Variants in SEMA3C observed in about 807,000 individuals in gnomAD.
SEMA3C encodes semaphorin 3C.
SEMA3C carries 47 observed loss-of-function variants against 89.4 expected under a neutral mutation model. That is an observed-to-expected ratio of 0.53 (90% confidence interval 0.42 to 0.67). The LOEUF is 0.67. Among genes scored for constraint, SEMA3C ranks in the 30% least tolerant of loss-of-function variants. SEMA3C has a pLI of 0.00. For synonymous variants in SEMA3C, 310 were observed against 320.2 expected (o/e 0.97, Z 0.34); for missense variants, 839 against 929.1 (o/e 0.90, Z 1.26).
At chr7:80,877,521 C>T (rs188115760) in intron 2 of SEMA3C, among the ~76,000 whole-genome samples, 2 of 152,238 alleles carry the variant, frequency 1.3e-5, no homozygotes, top group Non-Finnish European at 2.9e-5. Flanking sequence ...AATTACCATA[C>T]TCCCTCATGT....
intron 12 of SEMA3C, among the ~76,000 whole-genome samples, chr7:80,771,813 A>G (rs1203925800): frequency 6.6e-6 from 1 of 152,086 alleles, no homozygotes; most frequent in Admixed American, 6.6e-5. Flanking sequence ...TTGCTAACCT[A>G]TAAATGTATT....
At chr7:80,874,579 G>A (rs1425175739) in intron 2 of SEMA3C, among the ~76,000 whole-genome samples, 1 of 151,794 alleles carries the variant, frequency 6.6e-6, no homozygotes, top group African/African-American at 2.4e-5. Flanking sequence ...CGATTCTCCT[G>A]CCTCAGCCTC....
intron 2 of SEMA3C, among the ~76,000 whole-genome samples, chr7:80,875,235 A>C (rs1316866899): frequency 6.6e-6 from 1 of 152,180 alleles, no homozygotes; most frequent in Non-Finnish European, 1.5e-5. Flanking sequence ...TGATTCTTAG[A>C]TGCTTGTCCC....
At chr7:80,867,816 G>C (rs1160309472) in intron 2 of SEMA3C, among the ~76,000 whole-genome samples, 2 of 152,126 alleles carry the variant, frequency 1.3e-5, no homozygotes, top group African/African-American at 2.4e-5. Context: ...TAATGCAAAT[G>C]AGTCAAGCAA....
intron 4 of SEMA3C, among the ~76,000 whole-genome samples, chr7:80,823,271 A>G (rs1789796045): frequency 6.6e-6 from 1 of 152,142 alleles, no homozygotes; most frequent in South Asian, 2.1e-4. Context: ...TTAACAACCC[A>G]ATAAGGTTAA....
At position 80,743,488 on chromosome 7, in the gene SEMA3C, G is replaced by C. The variant is rs920885277; in HGVS notation, c.*1406C>G. On this transcript the variant is annotated 3_prime_UTR_variant, in exon 18 of 18. Coordinates refer to ENST00000265361, the MANE Select transcript of SEMA3C (RefSeq NM_006379.5). ...TATATGATATTTGGATTAGGTACAT[G>C]GTACAATATCTGTTTTTACCTGGAA... 1.3e-5 allele frequency: 2 copies of C among 151,508 alleles called. No individual in the cohort carries two copies. Among genetic ancestry groups the C allele is most frequent in the Non-Finnish European group, 3.0e-5 (2 of 67,724 alleles). The allele number at this position is 151,508 out of a possible 1,614,324, so 9.4% of individuals were successfully genotyped here.
chr7:80,892,369 T>C (rs755104026), intron 2 of SEMA3C, among the ~76,000 whole-genome samples: 17 of 152,136 alleles, frequency 1.1e-4, no homozygotes, highest in Non-Finnish European at 2.4e-4. Context: ...GGAATTTCTT[T>C]GTTTTTTTCT....
chr7:80,892,768 C>T (rs1791646467), intron 2 of SEMA3C, among the ~76,000 whole-genome samples: 1 of 152,070 alleles, frequency 6.6e-6, no homozygotes, highest in African/African-American at 2.4e-5. Flanking sequence ...AACTAAATTC[C>T]CACTTTGAAC....
At chr7:80,873,979 T>C (rs1168350015) in intron 2 of SEMA3C, among the ~76,000 whole-genome samples, 1 of 152,158 alleles carries the variant, frequency 6.6e-6, no homozygotes, top group African/African-American at 2.4e-5. Flanking sequence ...CAACTCAACT[T>C]ACCTTCTCTT....
chr7:80,792,973 GA>G (rs1788979238), intron 11 of SEMA3C, among the ~76,000 whole-genome samples: 1 of 152,114 alleles, frequency 6.6e-6, no homozygotes, highest in Admixed American at 6.6e-5. Flanking sequence ...CATGTTTATT[GA>G]AACTTCAAGA....
At chr7:80,758,844 C>T (rs1197614292) in intron 14 of SEMA3C, among the ~76,000 whole-genome samples, 4 of 152,000 alleles carry the variant, frequency 2.6e-5, no homozygotes, top group African/African-American at 9.7e-5. Context: ...CACAAGGAAG[C>T]ATTCTTATTT....
intron 3 of SEMA3C, 45 bp from the exon 4 acceptor site, chr7:80,827,532 T>G: frequency 1.3e-6 from 2 of 1,509,066 alleles, no homozygotes; most frequent in Non-Finnish European, 9.0e-7. Flanking sequence ...CACCTGGACA[T>G]ATGACAGCCC....
rs750447339 is a variant in SEMA3C at position 80,818,376 on chromosome 7, G to A, written c.370C>T (p.Arg124Cys). The change falls in exon 5 of 18, where the codon CGC (arginine) becomes TGC (cysteine). Residue 124 changes from arginine to cysteine, a missense_variant. Coordinates refer to ENST00000265361, the MANE Select transcript of SEMA3C (RefSeq NM_006379.5). ...CTCCCACAGACATACAAATGTGTGC[G>A]ATTGAAAGTCTGAATTACACGGACA... ...NFVRVIQTFN[R>C]THLYVCGSGA... The A allele has an allele frequency of 4.3e-6, 7 of 1,613,198 alleles. No homozygotes were observed. Among genetic ancestry groups the A allele is most frequent in the Admixed American group, 3.3e-5 (2 of 60,008 alleles).
chr7:80,874,489 G>A (rs919974727), intron 2 of SEMA3C, among the ~76,000 whole-genome samples: 1 of 67,716 alleles, frequency 1.5e-5, no homozygotes, highest in African/African-American at 4.9e-5. Flanking sequence ...TTTATGAGAC[G>A]GAGTTTCACT....
intron 8 of SEMA3C, among the ~76,000 whole-genome samples, chr7:80,803,389 T>G (rs1203378766): frequency 1.3e-5 from 2 of 152,204 alleles, no homozygotes; most frequent in African/African-American, 4.8e-5. Context: ...CTGACTTCGC[T>G]GCCTTGTTGC....
chr7:80,790,095 C>G (rs1013117361), intron 11 of SEMA3C, among the ~76,000 whole-genome samples: 6 of 151,904 alleles, frequency 3.9e-5, no homozygotes, highest in Non-Finnish European at 8.8e-5. Context: ...CCAGCCTGGG[C>G]AACATAGCAA....
intron 12 of SEMA3C, among the ~76,000 whole-genome samples, chr7:80,784,580 T>A (rs1788760006): frequency 6.6e-6 from 1 of 152,106 alleles, no homozygotes; most frequent in Non-Finnish European, 1.5e-5. Flanking sequence ...TTAAAAAATT[T>A]ACAATTATCA....
rs1788878829 is a variant in SEMA3C, at chr7:80,789,337, A to G, written c.1323T>C (p.Asp441=). 6.2e-7 allele frequency: 1 copy of G among 1,613,978 alleles called. No individual in the cohort carries two copies. The highest frequency in any genetic ancestry group is 8.5e-7 in the Non-Finnish European group (1 of 1,179,928). ...CGAGAAACAGGACATGGTATCTCCC[A>G]TCAGCAGCGTTCACTCGATCCACAG... ...KIAVDRVNAA[D]GRYHVLFLGT... The change falls in exon 12 of 18, where the codon GAT becomes GAC. Residue 441 remains aspartate, a synonymous_variant. Transcript: ENST00000265361.
At chr7:80,859,738 C>T (rs1241412036) in intron 2 of SEMA3C, among the ~76,000 whole-genome samples, 1 of 152,122 alleles carries the variant, frequency 6.6e-6, no homozygotes, top group South Asian at 2.1e-4. Context: ...TTTGAGTCCA[C>T]TGCATGGTAA....
Sources: allele counts gnomAD v4.1 joint callset (sites outside exome capture counted in the v4.1 genomes callset), GRCh38; gene constraint gnomAD v4.1.1; transcripts MANE v1.5; gene names NCBI Gene and HGNC (gene_info 2026-07-23, HGNC 2026-07-21).